Variants in PEPD observed in about 807,000 individuals in gnomAD.
The protein encoded by PEPD is xaa-Pro dipeptidase.
In PEPD, 53 loss-of-function variants were observed where a neutral mutation model predicts 60.7. The observed-to-expected ratio is 0.87, with a 90% CI of 0.70 to 1.10. PEPD has a LOEUF of 1.10. PEPD is among the 50% of genes least tolerant of loss of function. PEPD has a pLI of 0.00. For missense variants in PEPD, 711 were observed against 711.9 expected (o/e 1.00, Z 0.01); for synonymous variants, 267 against 284.1 (o/e 0.94, Z 0.60).
chr19:33,450,735 A>C (rs554608698), intron 9 of PEPD, among the ~76,000 whole-genome samples: 5 of 152,312 alleles, frequency 3.3e-5, no homozygotes, highest in African/African-American at 1.2e-4. Flanking sequence ...ATAATAAAAA[A>C]CTAGAAGGTA....
At chr19:33,499,622 T>C (rs1455623995) in intron 4 of PEPD, among the ~76,000 whole-genome samples, 1 of 152,192 alleles carries the variant, frequency 6.6e-6, no homozygotes, top group Non-Finnish European at 1.5e-5. Context: ...GTCCATGGTG[T>C]CCACAACTTG....
chr19:33,521,761 G>A lies in PEPD; in HGVS notation c.-1C>T, dbSNP rs757625583. ...GCACTCACCCGGTGGCCGCCGCCAT[G>A]TTCGCCCGGCACCGGCGTCACGTGA... On this transcript the variant is annotated 5_prime_UTR_variant, in exon 1 of 15. Coordinates refer to ENST00000244137, the MANE Select transcript of PEPD (RefSeq NM_000285.4). 38 of 1,577,626 alleles carry A rather than the reference G, an allele frequency of 2.4e-5. No homozygotes were observed. The highest frequency in any genetic ancestry group is 3.3e-5 in the Non-Finnish European group (38 of 1,167,140).
At chr19:33,457,020 C>T (rs531096969) in intron 9 of PEPD, among the ~76,000 whole-genome samples, 11 of 150,870 alleles carry the variant, frequency 7.3e-5, no homozygotes, top group Middle Eastern at 3.4e-3. Flanking sequence ...ACCATCCACC[C>T]AGAGTGCCCG....
intron 9 of PEPD, among the ~76,000 whole-genome samples, chr19:33,453,940 C>T (rs774275409): frequency 6.6e-6 from 1 of 152,188 alleles, no homozygotes; most frequent in Non-Finnish European, 1.5e-5. Flanking sequence ...TCCTGATAAA[C>T]CACAATAAAG....
chr19:33,430,258 G>A (rs1315316472), intron 9 of PEPD, among the ~76,000 whole-genome samples: 1 of 152,200 alleles, frequency 6.6e-6, no homozygotes, highest in African/African-American at 2.4e-5. Flanking sequence ...ACTGGGCTTT[G>A]GGCATCAACA....
At position 33,391,317 on chromosome 19, in the gene PEPD, T is replaced by C. The variant is rs776511217; in HGVS notation, c.1130A>G (p.His377Arg). ...GACCTCTGGGTAGCCTCCCACGTCG[T>C]GCACGTCAATGCCCAGGAAGTGGCC... is the stretch of plus-strand genomic sequence containing the variant. ...GLGHFLGIDVHDVGGYPEGVE... is the reference protein window; with the variant it reads ...GLGHFLGIDVRDVGGYPEGVE... Residue 377 changes from histidine to arginine, a missense_variant, in exon 13 of 15, where the codon CAC becomes CGC. By Grantham distance (29) the His-to-Arg change is conservative (BLOSUM62 0). Coordinates refer to ENST00000244137, the MANE Select transcript of PEPD (RefSeq NM_000285.4). 6.2e-7 allele frequency: 1 copy of C among 1,611,872 alleles called. No homozygotes were observed. Among genetic ancestry groups the C allele is most frequent in the South Asian group, 1.1e-5 (1 of 90,748 alleles).
chr19:33,481,517 G>A (rs1042708668), intron 6 of PEPD, among the ~76,000 whole-genome samples: 6 of 152,114 alleles, frequency 3.9e-5, no homozygotes, highest in Admixed American at 2.0e-4. Flanking sequence ...AGTGAGCCGA[G>A]ATCGTGCCAT....
chr19:33,425,368 A>G (rs1328890547), intron 9 of PEPD, among the ~76,000 whole-genome samples: 1 of 152,200 alleles, frequency 6.6e-6, no homozygotes, highest in Non-Finnish European at 1.5e-5. Flanking sequence ...AACACAACCC[A>G]GAGGCCACAT....
intron 9 of PEPD, among the ~76,000 whole-genome samples, chr19:33,430,206 C>A (rs1410201429): frequency 2.0e-5 from 3 of 152,226 alleles, no homozygotes; most frequent in African/African-American, 4.8e-5. Flanking sequence ...CAGACACTAA[C>A]CCAGCCCCAG....
At chr19:33,387,837 C>A in intron 14 of PEPD, 53 bp downstream of exon 14, 1 of 1,389,258 alleles carries the variant, frequency 7.2e-7, no homozygotes. Flanking sequence ...TCTGCAGCTG[C>A]AGTGGAGGTG....
chr19:33,401,920 C>A, intron 11 of PEPD, 51 bp from the exon 12 acceptor site: 1 of 1,578,224 alleles, frequency 6.3e-7, no homozygotes, highest in Non-Finnish European at 8.7e-7. Flanking sequence ...CCACCGCCCC[C>A]TTACCCTTAC....
intron 9 of PEPD, among the ~76,000 whole-genome samples, chr19:33,457,005 G>C (rs1434357025): frequency 6.6e-6 from 1 of 151,060 alleles, no homozygotes; most frequent in African/African-American, 2.4e-5. Context: ...CACACAAGGT[G>C]TCTCACCATC....
chr19:33,393,196 C>A, intron 12 of PEPD, among the ~76,000 whole-genome samples: 1 of 145,502 alleles, frequency 6.9e-6, no homozygotes, highest in Non-Finnish European at 1.5e-5. Context: ...GGAGGCCGTC[C>A]CGGGGTCTGG....
intron 9 of PEPD, among the ~76,000 whole-genome samples, chr19:33,451,510 AACT>A (rs1356352574): frequency 1.3e-5 from 2 of 152,198 alleles, no homozygotes; most frequent in African/African-American, 4.8e-5. Flanking sequence ...AAGATAGAAA[AACT>A]TTTTTAAAGC....
At chr19:33,514,115 G>A (rs764516855) in intron 1 of PEPD, among the ~76,000 whole-genome samples, 11 of 152,188 alleles carry the variant, frequency 7.2e-5, no homozygotes, top group African/African-American at 2.2e-4. Context: ...GCTGGAGGCC[G>A]GGTGTGGAGA....
At chr19:33,492,534 T>C (rs1315522919) in intron 5 of PEPD, among the ~76,000 whole-genome samples, 4 of 152,236 alleles carry the variant, frequency 2.6e-5, no homozygotes, top group African/African-American at 9.6e-5. Context: ...ATCCTTTCTG[T>C]TACAATCCAA....
chr19:33,482,959 T>C (rs746163695), intron 6 of PEPD, among the ~76,000 whole-genome samples: 11 of 152,214 alleles, frequency 7.2e-5, no homozygotes, highest in Non-Finnish European at 1.3e-4. Flanking sequence ...AACTGCAGAA[T>C]ACATGCTTTC....
rs541835720 is a variant in PEPD, at chr19:33,506,682, C to A, written c.329+4346G>T. Among the ~76,000 whole-genome samples the A allele has an allele frequency of 8.0e-5, 12 of 149,774 alleles. No individual in the cohort carries two copies. The South Asian group carries it at 2.6e-3, about 32-fold the overall frequency. On this transcript the variant is annotated intron_variant, in intron 3 of 14. Coordinates refer to ENST00000244137, the MANE Select transcript of PEPD (RefSeq NM_000285.4). Reference sequence around the variant, plus strand: ...TCCCTCACATGCACCCTACACACCTCACACACCCACACACAACACAGCACA... The same window carrying A: ...TCCCTCACATGCACCCTACACACCTAACACACCCACACACAACACAGCACA...
intron 6 of PEPD, among the ~76,000 whole-genome samples, chr19:33,481,510 G>A (rs1970313363): frequency 6.6e-6 from 1 of 152,096 alleles, no homozygotes; most frequent in Admixed American, 6.5e-5. Context: ...AGCATGCAGT[G>A]AGCCGAGATC....
Sources: allele counts gnomAD v4.1 joint callset (sites outside exome capture counted in the v4.1 genomes callset), GRCh38; gene constraint gnomAD v4.1.1; transcripts MANE v1.5; gene names NCBI Gene and HGNC (gene_info 2026-07-23, HGNC 2026-07-21).